The following RAB11FIP4 variants were observed in gnomAD, a reference collection of about 807,000 sequenced individuals.
RAB11FIP4 encodes the protein rab11 family-interacting protein 4.
In RAB11FIP4, 23 loss-of-function variants were observed where a neutral mutation model predicts 74.3. That is an observed-to-expected ratio of 0.31 (90% CI 0.22 to 0.44). RAB11FIP4 has a LOEUF of 0.44. RAB11FIP4 is among the 20% of genes least tolerant of loss of function. The pLI is 1.00. For synonymous variants in RAB11FIP4, 360 were observed against 359.9 expected (o/e 1.00, Z 0.00); for missense variants, 630 against 863.9 (o/e 0.73, Z 3.39).
chr17:31,499,376 A>T (rs574974460), intron 3 of RAB11FIP4, among the ~76,000 whole-genome samples: 47 of 151,572 alleles, frequency 3.1e-4, no homozygotes, highest in South Asian at 6.3e-4. Flanking sequence ...CTTTTTTTTT[A>T]GATAGAGTTT....
Position 31,521,250 on chromosome 17 carries a change from T to A in RAB11FIP4, c.648T>A (p.Phe216Leu). ...TTSLISNEEQFEDYGEGDDVD... is the reference protein window; with the variant it reads ...TTSLISNEEQLEDYGEGDDVD... The stretch of plus-strand genomic sequence containing the variant: ...CGCTCATCAGCAATGAGGAGCAGTT[T>A]GAAGACTATGGGGAGGGTGACGATG... The change falls in exon 5 of 15, where the codon TTT (phenylalanine) becomes TTA (leucine). Residue 216 changes from phenylalanine (F) to leucine (L), a missense_variant. Phe to Leu is a conservative substitution (Grantham distance 22). Transcript: ENST00000621161. The A allele has an allele frequency of 7.4e-6, 12 of 1,614,054 alleles. No homozygotes were observed. The highest frequency in any genetic ancestry group is 1.0e-5 in the Non-Finnish European group (12 of 1,179,956).
chr17:31,489,900 T>G (rs1245392141), intron 3 of RAB11FIP4, among the ~76,000 whole-genome samples: 1 of 151,890 alleles, frequency 6.6e-6, no homozygotes, highest in African/African-American at 2.4e-5. Context: ...GAGATAAGAC[T>G]GGGCCGGAGG....
chr17:31,520,188 T>TGATAAGGTATGCATTAGGTATGATA (rs2072636189), intron 4 of RAB11FIP4, among the ~76,000 whole-genome samples: 1 of 151,560 alleles, frequency 6.6e-6, no homozygotes, highest in Admixed American at 6.6e-5. Context: ...TGATAAGTAA[T>TGATAAGGTATGCATTAGGTATGATA]CTAGAGACGA....
Position 31,416,548 on chromosome 17 carries a change from T to C in RAB11FIP4, c.160-15265T>C, listed in dbSNP as rs549048650. Among the ~76,000 whole-genome samples the C allele has an allele frequency of 5.3e-5, 8 of 151,928 alleles. No homozygotes were observed. In the East Asian group the frequency reaches 1.6e-3, roughly 29 times the overall value. ...TTTGTCCCACCGGCCGGCCTGGGGG[T>C]GGCGGCTCCAGAATACAGGGTCCTA... On this transcript the variant is annotated intron_variant, in intron 1 of 14. Transcript: ENST00000621161.
chr17:31,450,713 C>G (rs937270985), intron 3 of RAB11FIP4, among the ~76,000 whole-genome samples: 6 of 151,306 alleles, frequency 4.0e-5, no homozygotes, highest in Non-Finnish European at 8.8e-5. Flanking sequence ...TCCCAGAACT[C>G]TAAAAGCACC....
chr17:31,406,454 G>A (rs561429891), intron 1 of RAB11FIP4, among the ~76,000 whole-genome samples: 18 of 152,334 alleles, frequency 1.2e-4, no homozygotes, highest in South Asian at 2.1e-4. Flanking sequence ...AAATGGTCGT[G>A]TCTCCTCCTT....
intron 1 of RAB11FIP4, among the ~76,000 whole-genome samples, chr17:31,402,722 C>T (rs7503915): frequency 0.81 from 122,856 of 151,600 alleles, 50,638 homozygotes; most frequent in African/African-American, 0.93. Context: ...CCCAGGTTCA[C>T]GCCATTCTCC....
intron 7 of RAB11FIP4, 33 bp downstream of exon 7, chr17:31,522,428 T>C: frequency 5.0e-6 from 8 of 1,608,092 alleles, no homozygotes; most frequent in Non-Finnish European, 6.0e-6. Context: ...GCAAATTGAG[T>C]GCTGTCCCCA....
At chr17:31,440,044 T>C (rs78828825) in intron 3 of RAB11FIP4, among the ~76,000 whole-genome samples, 2,551 of 152,352 alleles carry the variant, frequency 0.017, 39 homozygotes, top group Non-Finnish European at 0.027. Context: ...TGTCATCATT[T>C]ATCAACCTTT....
chr17:31,492,847 C>G (rs962287930), intron 3 of RAB11FIP4, among the ~76,000 whole-genome samples: 1 of 113,432 alleles, frequency 8.8e-6, no homozygotes, highest in Non-Finnish European at 1.8e-5. Flanking sequence ...GAGCTGAGCC[C>G]CCCTCAAGAG....
At chr17:31,488,276 A>T in intron 3 of RAB11FIP4, 1 of 1,175,306 alleles carries the variant, frequency 8.5e-7, no homozygotes, top group Non-Finnish European at 1.1e-6. Flanking sequence ...GAGCCAGGTA[A>T]GCGGCGGCCC....
Position 31,391,823 on chromosome 17 carries a change from G to C in RAB11FIP4, c.-30G>C. ...GCAGGCGGCGGGCGCGGCGGGCGAG[G>C]GGTCCGGGCTGAGCTGCGGGCCGGC... is the stretch of plus-strand genomic sequence containing the variant. On this transcript the variant is annotated 5_prime_UTR_variant, in exon 1 of 15. Transcript: ENST00000621161. 1 of 996,812 alleles carries C rather than the reference G, an allele frequency of 1.0e-6. No homozygotes were observed. Among genetic ancestry groups the C allele is most frequent in the Non-Finnish European group, 1.2e-6 (1 of 838,618 alleles). The allele number at this position is 996,812 out of a possible 1,614,324, so 61.7% of individuals were successfully genotyped here.
chr17:31,462,578 G>C (rs1008805571), intron 3 of RAB11FIP4, among the ~76,000 whole-genome samples: 6 of 151,934 alleles, frequency 3.9e-5, no homozygotes, highest in African/African-American at 1.2e-4. Flanking sequence ...CACCAGCCTC[G>C]GTCCGGACTC....
chr17:31,488,843 G>C (rs1300859011), intron 3 of RAB11FIP4, among the ~76,000 whole-genome samples: 3 of 150,884 alleles, frequency 2.0e-5, no homozygotes. Flanking sequence ...TGGCCCGGTG[G>C]TGGGAGCTGT....
chr17:31,428,321 C>T (rs973083487), intron 1 of RAB11FIP4, among the ~76,000 whole-genome samples: 5 of 152,210 alleles, frequency 3.3e-5, no homozygotes, highest in African/African-American at 9.7e-5. Flanking sequence ...GAATCCCCAA[C>T]GTGGTTTGGC....
At chr17:31,404,806 GGA>G (rs1488112406) in intron 1 of RAB11FIP4, among the ~76,000 whole-genome samples, 1 of 152,154 alleles carries the variant, frequency 6.6e-6, no homozygotes, top group East Asian at 1.9e-4. Flanking sequence ...CATGAAGATA[GGA>G]GAGTCACTCT....
rs2072920260 is a variant in RAB11FIP4 at position 31,534,165 on chromosome 17, C to A, written c.*2433C>A. On this transcript the variant is annotated 3_prime_UTR_variant, in exon 15 of 15. Coordinates refer to ENST00000621161, the MANE Select transcript of RAB11FIP4 (RefSeq NM_032932.6). ...AGCTTGATCTTTGTTTCTGCCCTTACCCCTCAGTAGTGGGGCTGCGAGGTA... is the reference window on the plus strand; with the variant it reads ...AGCTTGATCTTTGTTTCTGCCCTTAACCCTCAGTAGTGGGGCTGCGAGGTA... The A allele has an allele frequency of 6.6e-6, 1 of 152,196 alleles. No individual in the cohort carries two copies. Among genetic ancestry groups the A allele is most frequent in the Non-Finnish European group, 1.5e-5 (1 of 68,056 alleles). The allele number at this position is 152,196 out of a possible 1,614,324, so 9.4% of individuals were successfully genotyped here.
At chr17:31,522,590 C>G (rs1296858247) in intron 7 of RAB11FIP4, 195 bp downstream of exon 7, 3 of 582,242 alleles carry the variant, frequency 5.2e-6, no homozygotes, top group Admixed American at 3.4e-5. Flanking sequence ...CCTCCCTGCT[C>G]TCTCCCCACC....
intron 13 of RAB11FIP4, among the ~76,000 whole-genome samples, chr17:31,529,886 G>A (rs1306975113): frequency 6.6e-6 from 1 of 152,224 alleles, no homozygotes; most frequent in African/African-American, 2.4e-5. Context: ...TGGGATCTGG[G>A]CGGGTCCGCC....
Sources: gnomAD v4.1 joint callset for allele counts (sites outside exome capture counted in the v4.1 genomes callset) on GRCh38, gnomAD v4.1.1 for gene constraint, MANE v1.5 for transcripts, NCBI Gene and HGNC (gene_info 2026-07-23, HGNC 2026-07-21) for gene names.